The following FAM91A1 variants were observed in gnomAD, a reference collection of about 807,000 sequenced individuals.
FAM91A1 encodes the protein protein FAM91A1.
In FAM91A1, 41 loss-of-function variants were observed where a neutral mutation model predicts 113.5. That is an observed-to-expected ratio of 0.36 (90% CI 0.28 to 0.47). The LOEUF (loss-of-function observed/expected upper bound fraction) is 0.47. Ranked by LOEUF, FAM91A1 falls within the 20% of genes least tolerant of loss-of-function variation. FAM91A1 has a pLI of 1.00. For synonymous variants in FAM91A1, 307 were observed against 347.9 expected (o/e 0.88, Z 1.31); for missense variants, 696 against 1,001.2 (o/e 0.70, Z 4.11).
rs1250964509 is a variant in FAM91A1 at position 123,800,183 on chromosome 8, G to T, written c.1809+298G>T. On this transcript the variant is annotated intron_variant, in intron 18 of 23. Coordinates refer to ENST00000334705, the MANE Select transcript of FAM91A1 (RefSeq NM_144963.4). ...TTACAGTAGTTTCCCCATCTGTGGG[G>T]AATATGTTCCAAGACCCCCAGGGGT... is the stretch of plus-strand genomic sequence containing the variant. Among the ~76,000 whole-genome samples, 3 of 151,864 alleles carry T rather than the reference G, an allele frequency of 2.0e-5. No homozygotes were observed. The East Asian group carries it at 5.8e-4, about 29-fold the overall frequency.
At chr8:123,802,032 G>T (rs17260111) in intron 18 of FAM91A1, among the ~76,000 whole-genome samples, 17,725 of 152,130 alleles carry the variant, frequency 0.12, 1,348 homozygotes, top group Non-Finnish European at 0.17. Context: ...AGTGCCGCCT[G>T]CCTTGAGTGT....
intron 12 of FAM91A1, among the ~76,000 whole-genome samples, 179 bp downstream of exon 12, chr8:123,786,789 A>T (rs1815269404): frequency 6.6e-6 from 1 of 152,224 alleles, no homozygotes; most frequent in African/African-American, 2.4e-5. Context: ...TGACAAGAAT[A>T]TGGTACCTTT....
chr8:123,774,886 G>T (rs1471072396), intron 2 of FAM91A1, among the ~76,000 whole-genome samples: 1 of 152,196 alleles, frequency 6.6e-6, no homozygotes, highest in Non-Finnish European at 1.5e-5. Context: ...TTTTTGGGGG[G>T]CATGCTGGTA....
rs1454964501 is a variant in FAM91A1 at position 123,812,655 on chromosome 8, G to A, written c.2468G>A (p.Ser823Asn). Residue 823 changes from serine (S) to asparagine (N), a missense_variant, in exon 24 of 24, where the codon AGT becomes AAT. Ser to Asn is a conservative substitution (Grantham distance 46). Transcript: ENST00000334705. ...IFKDGVLSEW[S>N]GRSPSSLLIA... ...AAAGATGGTGTCTTATCAGAATGGAGTGGACGGTCACCTTCCTCACTTCTT... is the reference window on the plus strand; with the variant it reads ...AAAGATGGTGTCTTATCAGAATGGAATGGACGGTCACCTTCCTCACTTCTT... 1 of 1,608,162 alleles carries A rather than the reference G, an allele frequency of 6.2e-7. No homozygotes were observed. The highest frequency in any genetic ancestry group is 8.5e-7 in the Non-Finnish European group (1 of 1,177,760).
chr8:123,792,349 G>T (rs1320406392), intron 15 of FAM91A1, among the ~76,000 whole-genome samples: 1 of 152,136 alleles, frequency 6.6e-6, no homozygotes, highest in African/African-American at 2.4e-5. Context: ...GTTATACATG[G>T]AACTAGTGTC....
chr8:123,777,379 T>C (rs1815011631), intron 4 of FAM91A1, 57 bp downstream of exon 4: 2 of 1,453,946 alleles, frequency 1.4e-6, no homozygotes, highest in Admixed American at 1.8e-5. Context: ...TTGTGCATCC[T>C]GTCATCTGTG....
chr8:123,807,434 A>G (rs1815837841), intron 20 of FAM91A1, among the ~76,000 whole-genome samples: 1 of 142,848 alleles, frequency 7.0e-6, no homozygotes, highest in East Asian at 2.2e-4. Flanking sequence ...GCTTGAGGCT[A>G]GCAGTTTGAG....
At chr8:123,807,212 A>G (rs1815832801) in intron 20 of FAM91A1, among the ~76,000 whole-genome samples, 1 of 152,184 alleles carries the variant, frequency 6.6e-6, no homozygotes, top group Non-Finnish European at 1.5e-5. Context: ...CAAATATTGC[A>G]GGAGCATTTT....
At chr8:123,792,284 G>T (rs767759486) in intron 15 of FAM91A1, among the ~76,000 whole-genome samples, 1 of 152,188 alleles carries the variant, frequency 6.6e-6, no homozygotes, top group South Asian at 2.1e-4. Flanking sequence ...ATATCATGTA[G>T]TACTTGTTAT....
intron 20 of FAM91A1, among the ~76,000 whole-genome samples, chr8:123,807,751 GT>G (rs1815848075): frequency 6.6e-6 from 1 of 152,198 alleles, no homozygotes; most frequent in African/African-American, 2.4e-5. Context: ...GTAGTTCATT[GT>G]GGCCAAAAGA....
intron 8 of FAM91A1, 116 bp downstream of exon 8, chr8:123,780,658 C>A: frequency 1.3e-6 from 1 of 768,614 alleles, no homozygotes; most frequent in South Asian, 2.1e-5. Flanking sequence ...AATATTGCTT[C>A]GTTATTACAT....
At chr8:123,796,561 C>T (rs1248593048) in intron 15 of FAM91A1, among the ~76,000 whole-genome samples, 4 of 150,908 alleles carry the variant, frequency 2.7e-5, no homozygotes, top group East Asian at 2.0e-4. Flanking sequence ...CCGGGTCAAC[C>T]GATTCCCCTG....
intron 5 of FAM91A1, 83 bp downstream of exon 5, chr8:123,778,175 G>T (rs1343086461): frequency 3.9e-6 from 4 of 1,016,068 alleles, no homozygotes; most frequent in Non-Finnish European, 3.0e-6. Flanking sequence ...ATAATGAATT[G>T]TATGTCTTTG....
intron 15 of FAM91A1, among the ~76,000 whole-genome samples, chr8:123,794,401 CTT>C (rs751552908): frequency 6.6e-6 from 1 of 152,110 alleles, no homozygotes; most frequent in Admixed American, 6.5e-5. Context: ...CATATCAAAA[CTT>C]AATGCACACA....
At chr8:123,812,463 T>A in intron 23 of FAM91A1, 56 bp from the exon 24 acceptor site, 1 of 1,439,268 alleles carries the variant, frequency 6.9e-7, no homozygotes, top group Non-Finnish European at 9.4e-7. Context: ...ATTAGTTATA[T>A]TAAGTGGTTT....
chr8:123,784,106 C>T (rs1457042407), intron 8 of FAM91A1, among the ~76,000 whole-genome samples: 2 of 152,218 alleles, frequency 1.3e-5, no homozygotes, highest in Admixed American at 6.5e-5. Flanking sequence ...CCCCTGCTGC[C>T]TATGAGGCAT....
At chr8:123,806,596 G>T (rs934692001) in intron 20 of FAM91A1, among the ~76,000 whole-genome samples, 1 of 152,048 alleles carries the variant, frequency 6.6e-6, no homozygotes, top group Non-Finnish European at 1.5e-5. Flanking sequence ...CTGTCAAAAG[G>T]TACCATTGTC....
Position 123,786,591 on chromosome 8 carries a change from A to G in FAM91A1, c.1059A>G (p.Thr353=). The G allele has an allele frequency of 6.2e-7, 1 of 1,614,092 alleles. No individual in the cohort carries two copies. Among genetic ancestry groups the G allele is most frequent in the Non-Finnish European group, 8.5e-7 (1 of 1,179,926 alleles). Reference sequence around the variant, plus strand: ...CTTCATCGGCAACTGACACTGATACAAATAGTCAAGAAGATCCAGGTTAGC... The same window carrying G: ...CTTCATCGGCAACTGACACTGATACGAATAGTCAAGAAGATCCAGGTTAGC... The part of the protein sequence containing the change: ...QEASSATDTD[T]NSQEDPADTA... Residue 353 remains threonine (T), a synonymous_variant, in exon 12 of 24, where the codon ACA becomes ACG. Coordinates refer to ENST00000334705, the MANE Select transcript of FAM91A1 (RefSeq NM_144963.4).
chr8:123,775,570 A>G (rs878996115), intron 3 of FAM91A1, among the ~76,000 whole-genome samples: 2 of 152,224 alleles, frequency 1.3e-5, no homozygotes, highest in Admixed American at 6.5e-5. Context: ...AGTACTGATC[A>G]GTCATTTATG....
Sources: gnomAD v4.1 joint callset for allele counts (sites outside exome capture counted in the v4.1 genomes callset) on GRCh38, gnomAD v4.1.1 for gene constraint, MANE v1.5 for transcripts, NCBI Gene and HGNC (gene_info 2026-07-23, HGNC 2026-07-21) for gene names.